The following PCDHA10 variants were observed in gnomAD, a reference collection of about 807,000 sequenced individuals.
PCDHA10 encodes the protein protocadherin alpha-10.
A neutral mutation model predicts 61.2 loss-of-function variants in PCDHA10; 45 were observed. The observed-to-expected ratio is 0.74, with a 90% CI of 0.58 to 0.94. PCDHA10 has a LOEUF of 0.94. Ranked by LOEUF, PCDHA10 falls within the 40% of genes least tolerant of loss-of-function variation. The pLI is 0.00. For synonymous variants in PCDHA10, 602 were observed against 548.8 expected, an observed-to-expected ratio of 1.10 and a Z score of -1.35; for missense variants, 1,278 against 1,236.2, an observed-to-expected ratio of 1.03 and a Z score of -0.51.
intron 1 of PCDHA10, chr5:140,927,118 G>T (rs2083863389): frequency 6.2e-7 from 1 of 1,613,946 alleles, no homozygotes; most frequent in East Asian, 2.2e-5. Context: ...CGGCAATTTG[G>T]TGGTCAGAGA....
intron 1 of PCDHA10, among the ~76,000 whole-genome samples, chr5:140,900,452 T>A (rs2068062293): frequency 6.6e-6 from 1 of 152,222 alleles, no homozygotes; most frequent in South Asian, 2.1e-4. Flanking sequence ...TAATTTTTTA[T>A]TTTTAGTAGA....
chr5:140,883,377 C>T lies in PCDHA10; in HGVS notation c.2388+24941C>T, dbSNP rs1436655611. On this transcript the variant is annotated intron_variant, in intron 1 of 3. Coordinates refer to ENST00000307360, the MANE Select transcript of PCDHA10 (RefSeq NM_018901.4). ...GACACTCAGCCTAGCGCCATTATTG[C>T]CCTAATCAGTGTGTCCGATCGTGAC... The T allele has an allele frequency of 1.5e-5, 25 of 1,614,054 alleles. No individual in the cohort carries two copies. Among genetic ancestry groups the T allele is most frequent in the Non-Finnish European group, 2.0e-5 (24 of 1,180,036 alleles).
In PCDHA10 at chr5:140,857,941, T is replaced by C. The variant is rs1294613928; in HGVS notation, c.1893T>C (p.Ser631=). 1 of 1,597,330 alleles carries C rather than the reference T, an allele frequency of 6.3e-7. No individual in the cohort carries two copies. The highest frequency in any genetic ancestry group is 8.6e-7 in the Non-Finnish European group (1 of 1,167,412). Residue 631 remains serine (S), a synonymous_variant, in exon 1 of 4, where the codon AGT becomes AGC. Transcript: ENST00000307360. ...TGGGGCTGTACACGGGCGAGATCAG[T>C]ACGACGCGCGCTCTGGATGAGACTG... ...FRVGLYTGEI[S]TTRALDETDS... is the part of the protein sequence containing the mutation.
chr5:140,900,151 G>A lies in PCDHA10; in HGVS notation c.2388+41715G>A, dbSNP rs114795695. On this transcript the variant is annotated intron_variant, in intron 1 of 3. Coordinates refer to ENST00000307360, the MANE Select transcript of PCDHA10 (RefSeq NM_018901.4). ...GTACCACAAATAAGTAAGAACATAC[G>A]ATATTTGTCTTTCTGTGCCTGGTTT... is the stretch of plus-strand genomic sequence containing the variant. Among the ~76,000 whole-genome samples, 787 of 152,242 alleles carry A rather than the reference G, an allele frequency of 5.2e-3. 9 individuals carry two copies. Among genetic ancestry groups the A allele is most frequent in the African/African-American group, 0.018 (746 of 41,554 alleles).
intron 1 of PCDHA10, among the ~76,000 whole-genome samples, chr5:140,916,064 T>G (rs1282899200): frequency 1.3e-5 from 2 of 152,156 alleles, no homozygotes; most frequent in African/African-American, 4.8e-5. Flanking sequence ...CCTCTCCCTG[T>G]GGCCAGTACT....
At chr5:140,946,826 G>A (rs1161316537) in intron 1 of PCDHA10, among the ~76,000 whole-genome samples, 1 of 151,404 alleles carries the variant, frequency 6.6e-6, no homozygotes, top group African/African-American at 2.4e-5. Context: ...TACCAGAGAT[G>A]GGTAGGGCAG....
At chr5:140,944,870 A>T (rs2093703572) in intron 1 of PCDHA10, among the ~76,000 whole-genome samples, 1 of 152,058 alleles carries the variant, frequency 6.6e-6, no homozygotes, top group Non-Finnish European at 1.5e-5. Flanking sequence ...TATCTTAACC[A>T]CCTACTCCAC....
intron 3 of PCDHA10, among the ~76,000 whole-genome samples, chr5:140,994,850 CAT>C (rs10584145): frequency 0.01 from 1,553 of 152,082 alleles, 27 homozygotes; most frequent in African/African-American, 0.036. Flanking sequence ...AAGATGAGTG[CAT>C]TTGATGGATG....
chr5:140,963,964 C>T (rs1207514831), intron 1 of PCDHA10, among the ~76,000 whole-genome samples: 1 of 152,182 alleles, frequency 6.6e-6, no homozygotes, highest in Non-Finnish European at 1.5e-5. Flanking sequence ...AGGAGTGTGA[C>T]TGACTCCAAA....
intron 1 of PCDHA10, among the ~76,000 whole-genome samples, chr5:140,957,259 T>A (rs1554222896): frequency 6.6e-6 from 1 of 152,182 alleles, no homozygotes; most frequent in Admixed American, 6.5e-5. Context: ...TTTAAATATG[T>A]AAGCACTAGT....
intron 1 of PCDHA10, chr5:140,867,037 T>C (rs1167495486): frequency 2.0e-5 from 3 of 152,162 alleles, no homozygotes; most frequent in African/African-American, 7.2e-5. Flanking sequence ...CTTTTATGAC[T>C]TGGCGTTTGT....
intron 3 of PCDHA10, among the ~76,000 whole-genome samples, chr5:140,994,564 G>A (rs1554254259): frequency 6.6e-6 from 1 of 152,070 alleles, no homozygotes; most frequent in Non-Finnish European, 1.5e-5. Flanking sequence ...AATTAGCCGG[G>A]TGTGGTGGCA....
intron 1 of PCDHA10, among the ~76,000 whole-genome samples, chr5:140,952,639 G>C (rs2094775564): frequency 6.6e-6 from 1 of 152,102 alleles, no homozygotes; most frequent in Non-Finnish European, 1.5e-5. Flanking sequence ...ATTCCAACCT[G>C]TGCCTGGTTA....
At chr5:140,871,202 T>C in intron 1 of PCDHA10, 1 of 1,613,730 alleles carries the variant, frequency 6.2e-7, no homozygotes, top group Non-Finnish European at 8.5e-7. Context: ...GTGTACCTGA[T>C]CATCGCCATC....
chr5:140,871,729 G>C, intron 1 of PCDHA10: 1 of 714,516 alleles, frequency 1.4e-6, no homozygotes, highest in Admixed American at 3.4e-5. Context: ...TTAATATTTG[G>C]TTAGCAAATC....
rs574473083 is a variant in PCDHA10, at chr5:140,908,105, C to T, written c.2388+49669C>T. ...CAGGTGCACTGATTGAAGTTCTGTC[C>T]ACTGGGAAGATTTCCCTTCACTGCT... is the stretch of plus-strand genomic sequence containing the variant. On this transcript the variant is annotated intron_variant, in intron 1 of 3. Coordinates refer to ENST00000307360, the MANE Select transcript of PCDHA10 (RefSeq NM_018901.4). Among the ~76,000 whole-genome samples the T allele has an allele frequency of 5.3e-5, 8 of 152,304 alleles. No individual in the cohort carries two copies. In the East Asian group the frequency reaches 1.4e-3, roughly 26 times the overall value.
At chr5:140,870,654 C>A in intron 1 of PCDHA10, 2 of 1,612,562 alleles carry the variant, frequency 1.2e-6, no homozygotes, top group Non-Finnish European at 1.7e-6. Flanking sequence ...GCAAGGTGTA[C>A]GCGCTGCAGC....
intron 1 of PCDHA10, chr5:140,862,723 C>T: frequency 1.8e-6 from 1 of 568,234 alleles, no homozygotes; most frequent in East Asian, 4.8e-5. Flanking sequence ...CGAGTGCGCG[C>T]TGTCTAGCTA....
chr5:140,980,465 A>G (rs1170047538), intron 2 of PCDHA10, among the ~76,000 whole-genome samples: 4 of 152,184 alleles, frequency 2.6e-5, no homozygotes, highest in African/African-American at 9.7e-5. Flanking sequence ...CCCTGTCTCT[A>G]CTAAAAATAC....
Sources: allele counts gnomAD v4.1 joint callset (sites outside exome capture counted in the v4.1 genomes callset), GRCh38; gene constraint gnomAD v4.1.1; transcripts MANE v1.5; gene names NCBI Gene and HGNC (gene_info 2026-07-23, HGNC 2026-07-21).